Variants in DNAH14 observed in about 807,000 individuals in gnomAD.
The protein encoded by DNAH14 is dynein axonemal heavy chain 14.
A neutral mutation model predicts 520.9 loss-of-function variants in DNAH14; 478 were observed. The ratio of observed to expected loss-of-function variants is 0.92; its 90% CI spans 0.85 to 0.99. The LOEUF is 0.99. Ranked by LOEUF, DNAH14 falls within the 50% of genes least tolerant of loss-of-function variation. The probability of loss-of-function intolerance (pLI) is 0.00; values close to 1 mark genes in which losing one functional copy is unlikely to be tolerated. For synonymous variants in DNAH14, 1,581 were observed against 1,757.2 expected (o/e 0.90, Z 2.51); for missense variants, 4,831 against 5,234.5 (o/e 0.92, Z 2.38).
chr1:224,987,778 C>G (rs549507253), intron 8 of DNAH14, among the ~76,000 whole-genome samples: 1 of 152,234 alleles, frequency 6.6e-6, no homozygotes, highest in East Asian at 1.9e-4. Flanking sequence ...AGGCGCCCGC[C>G]ACCATGCCCA....
chr1:225,197,873 C>T (rs909280275), intron 38 of DNAH14, among the ~76,000 whole-genome samples: 3 of 152,104 alleles, frequency 2.0e-5, no homozygotes, highest in Non-Finnish European at 4.4e-5. Flanking sequence ...TACTGATTTG[C>T]GTGCATTAAT....
intron 31 of DNAH14, among the ~76,000 whole-genome samples, chr1:225,148,396 C>CTTTTTTTTTT (rs560233312): frequency 9.3e-5 from 9 of 96,622 alleles, no homozygotes; most frequent in African/African-American, 3.4e-4. Context: ...TAATGTTGAG[C>CTTTTTTTTTT]TTTTTTTTTT....
intron 25 of DNAH14, chr1:225,118,271 A>G: frequency 2.1e-6 from 1 of 469,168 alleles, no homozygotes; most frequent in Non-Finnish European, 3.8e-6. Flanking sequence ...TTCTGCCTTA[A>G]GTTTCCTACT....
chr1:225,377,333 C>T lies in DNAH14; in HGVS notation c.12613C>T (p.His4205Tyr), dbSNP rs748351791. The change falls in exon 79 of 86, where the codon CAC becomes TAC. Residue 4205 changes from histidine to tyrosine, a missense_variant. Physicochemically the swap from His to Tyr is moderately conservative, Grantham distance 83. Transcript: ENST00000682510. ...TGACCTTCCCGAGGTCTTAGGAATA[C>T]ACCCAGAGGCCATCAGGAGCTGCTG... is the stretch of plus-strand genomic sequence containing the variant. ...DDDLPEVLGI[H>Y]PEAIRSCWET... 9.9e-5 allele frequency: 153 copies of T among 1,550,818 alleles called. No individual in the cohort carries two copies. Among genetic ancestry groups the T allele is most frequent in the South Asian group, 1.3e-4 (11 of 83,836 alleles).
At chr1:225,051,158 G>A (rs1024108169) in intron 16 of DNAH14, among the ~76,000 whole-genome samples, 2 of 152,174 alleles carry the variant, frequency 1.3e-5, no homozygotes, top group Admixed American at 6.5e-5. Flanking sequence ...CTAAAACAGG[G>A]TAATAAGCAA....
chr1:224,991,981 T>A (rs2063088924), intron 8 of DNAH14, among the ~76,000 whole-genome samples: 3 of 152,204 alleles, frequency 2.0e-5, no homozygotes, highest in African/African-American at 2.4e-5. Flanking sequence ...CCAACACTAT[T>A]TATTGAAGAG....
At chr1:225,146,981 G>C (rs1187781643) in intron 30 of DNAH14, 123 bp from the exon 31 acceptor site, 1 of 697,976 alleles carries the variant, frequency 1.4e-6, no homozygotes, top group Middle Eastern at 4.2e-4. Context: ...CTAGGAGGGG[G>C]AAATGCAAAA....
chr1:225,168,144 T>A, intron 36 of DNAH14, 116 bp downstream of exon 36: 1 of 644,182 alleles, frequency 1.6e-6, no homozygotes, highest in Non-Finnish European at 2.6e-6. Flanking sequence ...TTTTTTTAAT[T>A]AAAGTCATTT....
intron 20 of DNAH14, 122 bp from the exon 21 acceptor site, chr1:225,085,422 C>T (rs2073647842): frequency 2.2e-6 from 2 of 894,418 alleles, no homozygotes; most frequent in Non-Finnish European, 3.4e-6. Flanking sequence ...ATAAACCTAA[C>T]TGGAATTAGA....
intron 11 of DNAH14, among the ~76,000 whole-genome samples, chr1:225,027,059 T>C (rs2066170752): frequency 6.6e-6 from 1 of 152,176 alleles, no homozygotes; most frequent in African/African-American, 2.4e-5. Flanking sequence ...CGGTTGTTCA[T>C]TGCCAGCATA....
rs376500852 is a variant in DNAH14, at chr1:225,335,824, CAT to C, written c.10081-1439_10081-1438del. Among the ~76,000 whole-genome samples the C allele has an allele frequency of 1.8e-3, 186 of 102,894 alleles. 5 individuals carry two copies. Among genetic ancestry groups the C allele is most frequent in the African/African-American group, 6.1e-3 (161 of 26,488 alleles). The allele number at this position is 102,894 out of a possible 152,430, so 67.5% of individuals were successfully genotyped here. A position where few individuals can be genotyped will look rare whatever the true frequency, so the allele number is the denominator to read the frequency against. On this transcript the variant is annotated intron_variant, in intron 66 of 85. Transcript: ENST00000682510. Reference sequence around the variant, plus strand: ...GTATATGTACATATATGTACATACACATATGTACATATATGTACATACACATA... The same window carrying C: ...GTATATGTACATATATGTACATACACATGTACATATATGTACATACACATA...
intron 45 of DNAH14, 53 bp from the exon 46 acceptor site, chr1:225,259,068 A>G: frequency 6.8e-7 from 1 of 1,467,044 alleles, no homozygotes; most frequent in Non-Finnish European, 9.0e-7. Context: ...TAATGTGTTA[A>G]CATGTATCAT....
chr1:225,012,185 G>C (rs1390257455), intron 10 of DNAH14, among the ~76,000 whole-genome samples: 3 of 152,086 alleles, frequency 2.0e-5, no homozygotes, highest in African/African-American at 4.8e-5. Flanking sequence ...GTCTTTAAAG[G>C]ATATTATTTC....
chr1:224,980,029 C>T (rs542520440), intron 8 of DNAH14, among the ~76,000 whole-genome samples: 1 of 152,164 alleles, frequency 6.6e-6, no homozygotes, highest in South Asian at 2.1e-4. Flanking sequence ...GAGACTCAAA[C>T]ATGCTGGCTT....
At chr1:224,944,856 A>G (rs1301426182) in intron 1 of DNAH14, among the ~76,000 whole-genome samples, 1 of 152,176 alleles carries the variant, frequency 6.6e-6, no homozygotes, top group Admixed American at 6.5e-5. Context: ...TTCTGCTGAG[A>G]GATCAGCTGT....
Position 225,264,200 on chromosome 1 carries a change from C to G in DNAH14, c.7161C>G (p.Ser2387Arg), listed in dbSNP as rs1202959775. The G allele has an allele frequency of 5.8e-6, 9 of 1,549,116 alleles. No homozygotes were observed. Among genetic ancestry groups the G allele is most frequent in the Non-Finnish European group, 6.1e-6 (7 of 1,145,362 alleles). ...LLYSEIKKSS[S>R]LKQNITILIP... Reference sequence around the variant, plus strand: ...TCCTTAAAATATTTCATTCCAGTAGCCTAAAACAGAATATCACCATCTTGA... The same window carrying G: ...TCCTTAAAATATTTCATTCCAGTAGGCTAAAACAGAATATCACCATCTTGA... Residue 2387 changes from serine to arginine, a missense_variant, in exon 47 of 86, where the codon AGC becomes AGG. Coordinates refer to ENST00000682510, the MANE Select transcript of DNAH14 (RefSeq NM_001367479.1).
At chr1:224,953,602 C>T (rs926349257) in intron 2 of DNAH14, among the ~76,000 whole-genome samples, 4 of 151,944 alleles carry the variant, frequency 2.6e-5, no homozygotes, top group Admixed American at 1.3e-4. Context: ...CAAGGATACA[C>T]AAATAAAGAA....
At position 225,140,946 on chromosome 1, in the gene DNAH14, A is replaced by T; in HGVS notation, c.4433A>T (p.Tyr1478Phe). Residue 1478 changes from tyrosine (Y) to phenylalanine (F), a missense_variant, in exon 28 of 86, where the codon TAT (tyrosine) becomes TTT (phenylalanine). Transcript: ENST00000682510. ...KAILGALLILYVHCRDIVINL... is the reference protein window; with the variant it reads ...KAILGALLILFVHCRDIVINL... ...ATACTAGGGGCATTGCTTATCCTTTATGTTCACTGCAGAGATATAGTGATA... is the reference window on the plus strand; with the variant it reads ...ATACTAGGGGCATTGCTTATCCTTTTTGTTCACTGCAGAGATATAGTGATA... 1 of 1,551,464 alleles carries T rather than the reference A, an allele frequency of 6.4e-7. No individual in the cohort carries two copies. Among genetic ancestry groups the T allele is most frequent in the Non-Finnish European group, 8.7e-7 (1 of 1,146,900 alleles).
intron 10 of DNAH14, among the ~76,000 whole-genome samples, chr1:225,014,736 G>A (rs2065073884): frequency 1.3e-5 from 2 of 152,170 alleles, no homozygotes; most frequent in South Asian, 4.1e-4. Flanking sequence ...CATGGAGAAT[G>A]TTCCATGTGC....
Sources: allele counts gnomAD v4.1 joint callset (sites outside exome capture counted in the v4.1 genomes callset), GRCh38; gene constraint gnomAD v4.1.1; transcripts MANE v1.5; gene names NCBI Gene and HGNC (gene_info 2026-07-23, HGNC 2026-07-21).